Variants in CRTC1 observed in about 807,000 individuals in gnomAD.
CRTC1 encodes CREB-regulated transcription coactivator 1.
In CRTC1, 18 loss-of-function variants were observed where a neutral mutation model predicts 66.1. The ratio of observed to expected loss-of-function variants is 0.27; its 90% CI spans 0.19 to 0.40. The LOEUF (loss-of-function observed/expected upper bound fraction) is 0.40. Among genes scored for constraint, CRTC1 ranks in the 10% least tolerant of loss-of-function variants. The pLI is 1.00. For synonymous variants in CRTC1, 416 were observed against 398.8 expected (o/e 1.04, Z -0.51); for missense variants, 669 against 887.9 (o/e 0.75, Z 3.13).
chr19:18,689,127 A>G (rs190906389), intron 1 of CRTC1, among the ~76,000 whole-genome samples: 17 of 150,510 alleles, frequency 1.1e-4, no homozygotes, highest in Admixed American at 9.2e-4. Flanking sequence ...TGTATTTTTG[A>G]GTAGAGACAG....
rs181298783 is a variant in CRTC1 at position 18,768,814 on chromosome 19, C to T, written c.1320+21C>T. ...CCTCGGTAAGCCCAGGGTGGGGTCC[C>T]TCGGGGCCTGACTGGGGGTCTTGTA... On this transcript the variant is annotated intron_variant, in intron 10 of 13. Coordinates refer to ENST00000321949, the MANE Select transcript of CRTC1 (RefSeq NM_015321.3). This position sits in a 1 kb window ranked among gnomAD's most constrained non-coding sequence, Gnocchi z 5.6. 8.6e-5 allele frequency: 136 copies of T among 1,580,188 alleles called. No homozygotes were observed. The African/African-American group carries it at 1.6e-3, about 19-fold the overall frequency.
At chr19:18,716,646 T>C (rs2053514275) in intron 1 of CRTC1, among the ~76,000 whole-genome samples, 1 of 152,162 alleles carries the variant, frequency 6.6e-6, no homozygotes, top group Non-Finnish European at 1.5e-5. Flanking sequence ...ATGGCTAGTA[T>C]AGGGGCTAGC....
At chr19:18,705,968 T>TC (rs575218374) in intron 1 of CRTC1, among the ~76,000 whole-genome samples, 16 of 87,286 alleles carry the variant, frequency 1.8e-4, no homozygotes, top group African/African-American at 4.6e-4. Context: ...TCTCTCTCTC[T>TC]TTTTTTTTTT....
At chr19:18,738,834 G>C (rs1378321969) in intron 1 of CRTC1, among the ~76,000 whole-genome samples, 1 of 152,236 alleles carries the variant, frequency 6.6e-6, no homozygotes, top group Non-Finnish European at 1.5e-5. Context: ...AAAGCCAGAG[G>C]CTGGTGCGAT....
intron 11 of CRTC1, among the ~76,000 whole-genome samples, chr19:18,772,409 G>A (rs911791592): frequency 3.3e-5 from 5 of 152,058 alleles, no homozygotes; most frequent in East Asian, 1.9e-4. Context: ...CCAGAACCCC[G>A]CTATCCTGGG....
chr19:18,752,321 A>G (rs2054382413), intron 5 of CRTC1, among the ~76,000 whole-genome samples: 1 of 151,856 alleles, frequency 6.6e-6, no homozygotes, highest in African/African-American at 2.4e-5. Context: ...CTGCTGTTTT[A>G]TATTATTTTA....
intron 8 of CRTC1, among the ~76,000 whole-genome samples, chr19:18,761,858 C>G (rs929684318): frequency 6.6e-6 from 1 of 152,084 alleles, no homozygotes; most frequent in Non-Finnish European, 1.5e-5. Context: ...GAAGAGGGAA[C>G]AGGGCCCCAG....
chr19:18,697,143 G>A (rs1179210920), intron 1 of CRTC1, among the ~76,000 whole-genome samples: 1 of 152,092 alleles, frequency 6.6e-6, no homozygotes, highest in Non-Finnish European at 1.5e-5. Context: ...TGCCTCGAGG[G>A]CCAGGGATGC....
At chr19:18,737,296 G>T (rs897124155) in intron 1 of CRTC1, among the ~76,000 whole-genome samples, 1 of 152,112 alleles carries the variant, frequency 6.6e-6, no homozygotes, top group Middle Eastern at 3.4e-3. Flanking sequence ...TCCCGGCGCA[G>T]GCTGTATCAG....
Position 18,780,396 on chromosome 19 carries a change from C to A in CRTC1, c.*3014C>A. 1 of 232,324 alleles carries A rather than the reference C, an allele frequency of 4.3e-6. No individual in the cohort carries two copies. The allele number at this position is 232,324 out of a possible 1,614,324, so 14.4% of individuals were successfully genotyped here. On this transcript the variant is annotated 3_prime_UTR_variant, in exon 14 of 14. Coordinates refer to ENST00000321949, the MANE Select transcript of CRTC1 (RefSeq NM_015321.3). ...AAGTCTTGCAGGCAGAGGGTGTAGC[C>A]CAAGTTCAGCCTCTCTCTGTGTCCT...
intron 1 of CRTC1, among the ~76,000 whole-genome samples, chr19:18,733,248 C>T (rs1011583689): frequency 6.6e-6 from 1 of 152,190 alleles, no homozygotes; most frequent in African/African-American, 2.4e-5. Context: ...CTGCAAGGCC[C>T]CACACAGGGT....
chr19:18,772,222 G>T (rs1455360580), intron 11 of CRTC1, among the ~76,000 whole-genome samples: 4 of 152,118 alleles, frequency 2.6e-5, no homozygotes, highest in African/African-American at 7.2e-5. Flanking sequence ...CCTTCGTTCT[G>T]CCTGGCCAGT....
chr19:18,777,437 G>C lies in CRTC1; in HGVS notation c.*55G>C. On this transcript the variant is annotated 3_prime_UTR_variant, in exon 14 of 14. Coordinates refer to ENST00000321949, the MANE Select transcript of CRTC1 (RefSeq NM_015321.3). The surrounding 1 kb of genome is among the most constrained non-coding windows in gnomAD (Gnocchi z 5.5). Reference sequence around the variant, plus strand: ...CGTCCCGACGGCGCCTCCCCAGCCCGGGGACGGCCGTGCTCCGTCCCTCGC... The same window carrying C: ...CGTCCCGACGGCGCCTCCCCAGCCCCGGGACGGCCGTGCTCCGTCCCTCGC... 1.3e-6 allele frequency: 2 copies of C among 1,493,228 alleles called. No homozygotes were observed. The highest frequency in any genetic ancestry group is 1.8e-6 in the Non-Finnish European group (2 of 1,084,472). The allele number at this position is 1,493,228 out of a possible 1,614,324, so 92.5% of individuals were successfully genotyped here.
Position 18,777,245 on chromosome 19 carries a change from G to C in CRTC1, c.1768G>C (p.Asp590His). 1 of 1,610,550 alleles carries C rather than the reference G, an allele frequency of 6.2e-7. No individual in the cohort carries two copies. The highest frequency in any genetic ancestry group is 8.5e-7 in the Non-Finnish European group (1 of 1,179,774). Residue 590 changes from aspartate to histidine, a missense_variant, in exon 14 of 14, where the codon GAC becomes CAC. Physicochemically the swap from Asp to His is moderately conservative, Grantham distance 81. Around this residue, in one of 8 missense-constraint regions of CRTC1, gnomAD observed 91 missense variants for 99.1 expected, o/e 0.92. Transcript: ENST00000321949. This position sits in a 1 kb window ranked among gnomAD's most constrained non-coding sequence, Gnocchi z 5.5. ...GGCCGGGGTCGGCGACGTCAGCTTC[G>C]ACTCCGACAGCCAGTTTCCCCTGGA... ...SLAGVGDVSF[D>H]SDSQFPLDEL...
chr19:18,767,309 C>T (rs1025288546), intron 9 of CRTC1, among the ~76,000 whole-genome samples: 4 of 151,960 alleles, frequency 2.6e-5, no homozygotes, highest in South Asian at 2.1e-4. Context: ...AAGCGATTTT[C>T]GTGCTAGCCT....
chr19:18,691,748 C>T (rs943912390), intron 1 of CRTC1, among the ~76,000 whole-genome samples: 1 of 151,966 alleles, frequency 6.6e-6, no homozygotes. Flanking sequence ...GAGTCTCACT[C>T]TGTCGCCCAT....
In CRTC1 at chr19:18,751,212, T is replaced by C. The variant is rs1246418553; in HGVS notation, c.538+1337T>C. 2.0e-5 allele frequency among the ~76,000 whole-genome samples: 3 copies of C among 151,988 alleles called. No individual in the cohort carries two copies. The East Asian group carries it at 5.8e-4, about 29-fold the overall frequency. ...AGTTACAAGTAAAAAAAATGAAATG[T>C]GCAACAGGCATAAAGAAAATGGGGA... On this transcript the variant is annotated intron_variant, in intron 5 of 13. Coordinates refer to ENST00000321949, the MANE Select transcript of CRTC1 (RefSeq NM_015321.3).
At chr19:18,757,927 A>G (rs919272079) in intron 6 of CRTC1, among the ~76,000 whole-genome samples, 1 of 151,878 alleles carries the variant, frequency 6.6e-6, no homozygotes, top group African/African-American at 2.4e-5. Flanking sequence ...CTGAGGCAGG[A>G]GAAAGGCGTG....
chr19:18,758,008 ACT>A (rs1225155533), intron 6 of CRTC1, among the ~76,000 whole-genome samples: 3 of 151,362 alleles, frequency 2.0e-5, no homozygotes, highest in Non-Finnish European at 2.9e-5. Flanking sequence ...ACAGAGCCAG[ACT>A]CTGTCTCAAA....
Sources: gnomAD v4.1 joint callset for allele counts (sites outside exome capture counted in the v4.1 genomes callset) on GRCh38, gnomAD v4.1.1 for gene constraint, gnomAD v4.1.1 regional missense constraint, Gnocchi (gnomAD v3.1) non-coding constraint, MANE v1.5 for transcripts, NCBI Gene and HGNC (gene_info 2026-07-23, HGNC 2026-07-21) for gene names.